ZEB2: variants seen among roughly 807,000 people sequenced by gnomAD.
The protein encoded by ZEB2 is zinc finger E-box binding homeobox 2.
A neutral mutation model predicts 99.9 loss-of-function variants in ZEB2; 6 were observed. The ratio of observed to expected loss-of-function variants is 0.06; its 90% CI spans 0.03 to 0.12. The LOEUF (loss-of-function observed/expected upper bound fraction) is 0.12, where lower values mean the gene tolerates loss of function less well. ZEB2 is among the 10% of genes least tolerant of loss of function. ZEB2 has a pLI of 1.00. For synonymous variants in ZEB2, 517 were observed against 542.5 expected, an observed-to-expected ratio of 0.95 and a Z score of 0.65; for missense variants, 969 against 1,502.8, an observed-to-expected ratio of 0.64 and a Z score of 5.87.
At chr2:144,431,886 T>C (rs1471199093) in intron 2 of ZEB2, among the ~76,000 whole-genome samples, 2 of 151,004 alleles carry the variant, frequency 1.3e-5, no homozygotes, top group Admixed American at 1.3e-4. Context: ...CTGGGAAGCT[T>C]TCAACCCACC....
In ZEB2 at chr2:144,513,887, A is replaced by G; in HGVS notation, c.73+3391T>C. 2.6e-6 allele frequency: 4 copies of G among 1,519,264 alleles called. No homozygotes were observed. In the East Asian group the frequency reaches 9.9e-5, roughly 37 times the overall value. 94.1% of individuals were successfully genotyped at this position (1,519,264 alleles called of 1,614,324 possible). On this transcript the variant is annotated intron_variant, in intron 2 of 9. Transcript: ENST00000627532. ...CTCCAGCGTCAGTGAAAGTGTTACA[A>G]AGTGAGTCAGGCGACTGAGGATCAT...
chr2:144,460,926 T>C (rs1704184522), intron 2 of ZEB2, among the ~76,000 whole-genome samples: 1 of 152,108 alleles, frequency 6.6e-6, no homozygotes, highest in South Asian at 2.1e-4. Context: ...ATGTACTGTC[T>C]TATTGGAAAC....
chr2:144,466,953 G>A (rs544543094), intron 2 of ZEB2, among the ~76,000 whole-genome samples: 3 of 152,218 alleles, frequency 2.0e-5, no homozygotes, highest in East Asian at 1.9e-4. Context: ...GCCTGGGAAC[G>A]TGCTCTAATT....
At chr2:144,475,069 G>T (rs1259114789) in intron 2 of ZEB2, among the ~76,000 whole-genome samples, 1 of 152,124 alleles carries the variant, frequency 6.6e-6, no homozygotes, top group Non-Finnish European at 1.5e-5. Flanking sequence ...CTAGAGAAAT[G>T]GTGAGCATTT....
At chr2:144,406,493 A>G (rs1046949767) in intron 4 of ZEB2, among the ~76,000 whole-genome samples, 5 of 152,216 alleles carry the variant, frequency 3.3e-5, no homozygotes, top group African/African-American at 1.2e-4. Context: ...CTGAAGAAGC[A>G]TGAAGTTAAC....
At chr2:144,435,790 C>T (rs969293149) in intron 2 of ZEB2, among the ~76,000 whole-genome samples, 1 of 152,156 alleles carries the variant, frequency 6.6e-6, no homozygotes, top group East Asian at 1.9e-4. Context: ...TTCTCCTGAA[C>T]CTTAGCCTTT....
intron 2 of ZEB2, among the ~76,000 whole-genome samples, chr2:144,501,027 G>A (rs1432837162): frequency 2.9e-5 from 4 of 139,048 alleles, no homozygotes; most frequent in East Asian, 4.7e-4. Flanking sequence ...TTCAAAGATC[G>A]TATTTATATG....
chr2:144,412,719 A>G (rs190196254), intron 4 of ZEB2, among the ~76,000 whole-genome samples: 2 of 152,246 alleles, frequency 1.3e-5, no homozygotes, highest in East Asian at 1.9e-4. Context: ...TTGGTCCCAT[A>G]TTATTATTAT....
intron 1 of ZEB2, chr2:144,519,350 T>C (rs1037128399): frequency 2.0e-5 from 3 of 151,686 alleles, no homozygotes; most frequent in Non-Finnish European, 2.9e-5. Context: ...ACACAAAGAA[T>C]GAAATAAAGA....
At chr2:144,473,038 G>A (rs1704380508) in intron 2 of ZEB2, among the ~76,000 whole-genome samples, 1 of 152,196 alleles carries the variant, frequency 6.6e-6, no homozygotes, top group Admixed American at 6.5e-5. Context: ...AATTTGATAT[G>A]TGAATGTGGT....
intron 4 of ZEB2, among the ~76,000 whole-genome samples, chr2:144,418,912 C>T (rs373768076): frequency 5.3e-5 from 8 of 152,018 alleles, no homozygotes; most frequent in African/African-American, 1.9e-4. Flanking sequence ...CCTCAGAAAT[C>T]ACTACTAAAG....
At chr2:144,481,260 C>G (rs1704507238) in intron 2 of ZEB2, among the ~76,000 whole-genome samples, 2 of 152,134 alleles carry the variant, frequency 1.3e-5, no homozygotes, top group Admixed American at 1.3e-4. Context: ...TCTATGTGCC[C>G]TGACCTCAAG....
chr2:144,398,222 AT>A (rs34295315), intron 8 of ZEB2, 78 bp downstream of exon 8: 62 of 1,558,478 alleles, frequency 4.0e-5, no homozygotes, highest in East Asian at 1.6e-4. Context: ...TTTCACTAAG[AT>A]TTTTTTTTCC....
chr2:144,419,969 C>G (rs989652792), intron 4 of ZEB2, among the ~76,000 whole-genome samples: 17 of 152,204 alleles, frequency 1.1e-4, no homozygotes, highest in African/African-American at 3.6e-4. Context: ...AGGCAAAATC[C>G]TTCAGGGACT....
chr2:144,494,106 C>T (rs539880169), intron 2 of ZEB2, among the ~76,000 whole-genome samples: 107 of 142,628 alleles, frequency 7.5e-4, no homozygotes, highest in East Asian at 2.1e-4. Flanking sequence ...GAGCCGAGAT[C>T]GCGCCACTCC....
chr2:144,504,091 A>C (rs1282810369), intron 2 of ZEB2: 3 of 21,776 alleles, frequency 1.4e-4, no homozygotes, highest in Non-Finnish European at 6.5e-4. Flanking sequence ...AAAAAAAAAA[A>C]AAACAACAAA....
intron 2 of ZEB2, among the ~76,000 whole-genome samples, chr2:144,432,058 C>A (rs1265215818): frequency 6.7e-6 from 1 of 150,368 alleles, no homozygotes; most frequent in African/African-American, 2.4e-5. Context: ...ACCACAATAT[C>A]CCGTGTGACA....
chr2:144,507,778 T>G (rs1704970972), intron 2 of ZEB2, among the ~76,000 whole-genome samples: 1 of 152,228 alleles, frequency 6.6e-6, no homozygotes, highest in Admixed American at 6.5e-5. Context: ...CTAACTTTCC[T>G]GTCAGAAGCC....
chr2:144,517,826 C>T (rs906990410), intron 1 of ZEB2: 3 of 608,298 alleles, frequency 4.9e-6, no homozygotes, highest in Middle Eastern at 3.9e-4. Context: ...CATCTTTTCT[C>T]ATCCCCCCAC....
Sources: gnomAD v4.1 joint callset for allele counts (sites outside exome capture counted in the v4.1 genomes callset) on GRCh38, gnomAD v4.1.1 for gene constraint, MANE v1.5 for transcripts, NCBI Gene and HGNC (gene_info 2026-07-23, HGNC 2026-07-21) for gene names.